The following ESR1 variants were observed in gnomAD, a reference collection of about 807,000 sequenced individuals.
The protein encoded by ESR1 is estrogen receptor.
In ESR1, 12 loss-of-function variants were observed where a neutral mutation model predicts 52.7. That is an observed-to-expected ratio of 0.23 (90% CI 0.15 to 0.37). The LOEUF (loss-of-function observed/expected upper bound fraction) is 0.37. ESR1 is among the 10% of genes least tolerant of loss of function. The pLI is 1.00. For missense variants in ESR1, 584 were observed against 779.7 expected (o/e 0.75, Z 2.99); for synonymous variants, 305 against 316.8 (o/e 0.96, Z 0.39).
chr6:152,027,329 A>G (rs1245324520), intron 5 of ESR1, among the ~76,000 whole-genome samples: 1 of 121,376 alleles, frequency 8.2e-6, no homozygotes. Context: ...TTATATGCAC[A>G]TTTCTTTAGC....
chr6:151,823,714 A>G (rs1562444382), intron 1 of ESR1, among the ~76,000 whole-genome samples: 1 of 151,876 alleles, frequency 6.6e-6, no homozygotes, highest in Non-Finnish European at 1.5e-5. Context: ...GAGTGAGAAC[A>G]TGCGGTGTTT....
At position 152,094,495 on chromosome 6, in the gene ESR1, G is replaced by A. The variant is rs2152496340; in HGVS notation, c.1480G>A (p.Gly494Ser). The A allele has an allele frequency of 2.5e-6, 4 of 1,614,136 alleles. No individual in the cohort carries two copies. The highest frequency in any genetic ancestry group is 3.4e-6 in the Non-Finnish European group (4 of 1,180,034). ...TTTGATCCACCTGATGGCCAAGGCAGGCCTGACCCTGCAGCAGCAGCACCA... is the reference window on the plus strand; with the variant it reads ...TTTGATCCACCTGATGGCCAAGGCAAGCCTGACCCTGCAGCAGCAGCACCA... ...DTLIHLMAKA[G>S]LTLQQQHQRL... The change falls in exon 7 of 8, where the codon GGC (glycine) becomes AGC (serine). Residue 494 changes from glycine to serine, a missense_variant. By Grantham distance (56) the Gly-to-Ser change is moderately conservative. This residue lies in a region of ESR1 where 141 missense variants were observed against 289.3 expected (regional missense o/e 0.49). Coordinates refer to ENST00000206249, the MANE Select transcript of ESR1 (RefSeq NM_000125.4). This position sits in a 1 kb window ranked among gnomAD's most constrained non-coding sequence, Gnocchi z 4.6.
rs560256637 is a variant in ESR1 at position 151,659,061 on chromosome 6, T to C, written n.73+2298T>C. Among the ~76,000 whole-genome samples, 5 of 152,318 alleles carry C rather than the reference T, an allele frequency of 3.3e-5. No homozygotes were observed. The South Asian group carries it at 1.0e-3, about 32-fold the overall frequency. On this transcript the variant is annotated intron_variant and non_coding_transcript_variant, in intron 1 of 2. Transcript: ENST00000473497. Reference sequence around the variant, plus strand: ...GGAGTTTCGATCTTGTTGCCCAGGCTGGAGTGCAGTAGTGTGATCTCGGCT... The same window carrying C: ...GGAGTTTCGATCTTGTTGCCCAGGCCGGAGTGCAGTAGTGTGATCTCGGCT...
rs948305579 is a variant in ESR1, at chr6:152,100,694, C to A, written c.*1728C>A. The A allele has an allele frequency of 1.3e-5, 3 of 224,512 alleles. No individual in the cohort carries two copies. The highest frequency in any genetic ancestry group is 1.7e-5 in the Non-Finnish European group (2 of 114,350). The allele number at this position is 224,512 out of a possible 1,614,324, so 13.9% of individuals were successfully genotyped here. On this transcript the variant is annotated 3_prime_UTR_variant, in exon 8 of 8. Transcript: ENST00000206249. ...GCTGCTCGGGCTTCTCTTGGTATGT[C>A]TTGTTTGGAAAAGTGGATTTCATTC...
chr6:151,679,199 G>C (rs1163067877), intron 1 of ESR1, among the ~76,000 whole-genome samples: 1 of 152,104 alleles, frequency 6.6e-6, no homozygotes, highest in Non-Finnish European at 1.5e-5. Flanking sequence ...ATTGTTTCTT[G>C]AATGTGGGTG....
intron 2 of ESR1, among the ~76,000 whole-genome samples, chr6:151,753,319 ATTTTTTTT>A (rs34402963): frequency 7.3e-6 from 1 of 137,378 alleles, no homozygotes; most frequent in African/African-American, 2.7e-5. Flanking sequence ...ATTTGATTGC[ATTTTTTTT>A]TTTTTTTTTT....
chr6:151,751,432 T>C (rs1783893097), intron 2 of ESR1, among the ~76,000 whole-genome samples: 1 of 152,342 alleles, frequency 6.6e-6, no homozygotes, highest in South Asian at 2.1e-4. Flanking sequence ...CTTATCATCA[T>C]AGAACGCATG....
At chr6:151,743,400 C>T (rs1783244640) in intron 2 of ESR1, among the ~76,000 whole-genome samples, 2 of 152,136 alleles carry the variant, frequency 1.3e-5, no homozygotes, top group African/African-American at 4.8e-5. Context: ...TTGGAAAGTA[C>T]CTAAATCACT....
intron 2 of ESR1, among the ~76,000 whole-genome samples, chr6:151,858,660 G>A (rs1217253220): frequency 6.6e-6 from 1 of 150,914 alleles, no homozygotes; most frequent in Non-Finnish European, 1.5e-5. Flanking sequence ...TTTCCCTGAG[G>A]AGTTTAGCTT....
intron 2 of ESR1, among the ~76,000 whole-genome samples, chr6:151,749,625 A>G (rs1441880691): frequency 1.3e-5 from 2 of 152,196 alleles, no homozygotes; most frequent in African/African-American, 2.4e-5. Context: ...CTGAAAATAC[A>G]CTGGCAAGCC....
intron 6 of ESR1, among the ~76,000 whole-genome samples, chr6:152,090,611 C>T (rs182211663): frequency 5.9e-5 from 9 of 152,350 alleles, no homozygotes; most frequent in Admixed American, 5.9e-4. Flanking sequence ...TACAGCACAG[C>T]TCCTCCAGCT....
At chr6:151,795,464 G>A (rs111685244) in intron 2 of ESR1, among the ~76,000 whole-genome samples, 6,710 of 145,460 alleles carry the variant, frequency 0.046, 526 homozygotes, top group African/African-American at 0.17. Context: ...CTCCAGCCCA[G>A]GCGGCAGAGT....
intron 6 of ESR1, among the ~76,000 whole-genome samples, chr6:152,086,659 C>T (rs1160988164): frequency 6.6e-6 from 1 of 151,096 alleles, no homozygotes; most frequent in Non-Finnish European, 1.5e-5. Context: ...TGAAAAATGT[C>T]ACTGAATCAG....
At chr6:152,067,695 C>T (rs1251991921) in intron 6 of ESR1, among the ~76,000 whole-genome samples, 5 of 152,044 alleles carry the variant, frequency 3.3e-5, no homozygotes, top group East Asian at 1.9e-4. Flanking sequence ...GGCACGGTGG[C>T]GGGCACCTGT....
At chr6:151,991,450 A>T (rs549107327) in intron 4 of ESR1, among the ~76,000 whole-genome samples, 2 of 152,324 alleles carry the variant, frequency 1.3e-5, no homozygotes, top group African/African-American at 2.4e-5. Context: ...GAAAAAAAAA[A>T]ATACATTTTG....
At chr6:151,795,430 G>C (rs1451474916) in intron 2 of ESR1, among the ~76,000 whole-genome samples, 1 of 149,062 alleles carries the variant, frequency 6.7e-6, no homozygotes, top group Admixed American at 6.7e-5. Flanking sequence ...AGAGGTTGCA[G>C]TGAGCTGAAA....
intron 3 of ESR1, among the ~76,000 whole-genome samples, chr6:151,927,277 C>G (rs2032900657): frequency 1.3e-5 from 2 of 152,080 alleles, no homozygotes; most frequent in South Asian, 4.1e-4. Context: ...TGCCAGTGCT[C>G]AGGAGAGATA....
intron 1 of ESR1, among the ~76,000 whole-genome samples, chr6:151,824,001 T>C (rs1271481274): frequency 6.6e-6 from 1 of 152,148 alleles, no homozygotes; most frequent in Admixed American, 6.5e-5. Context: ...ATGGGATGGC[T>C]GGGTCAAATG....
intron 4 of ESR1, among the ~76,000 whole-genome samples, chr6:151,971,426 G>A (rs1044285349): frequency 1.3e-5 from 2 of 151,982 alleles, no homozygotes; most frequent in Non-Finnish European, 2.9e-5. Context: ...TCCCACTTAT[G>A]AGTGAGAATA....
Sources: allele counts gnomAD v4.1 joint callset (sites outside exome capture counted in the v4.1 genomes callset), GRCh38; gene constraint gnomAD v4.1.1; regional missense constraint gnomAD v4.1.1; non-coding constraint Gnocchi (gnomAD v3.1); transcripts MANE v1.5; gene names NCBI Gene and HGNC (gene_info 2026-07-23, HGNC 2026-07-21).